Variants in NTM observed in about 807,000 individuals in gnomAD.
The protein encoded by NTM is neurotrimin, also known as IgLON family member 2.
A neutral mutation model predicts 42.1 loss-of-function variants in NTM; 13 were observed. That is an observed-to-expected ratio of 0.31 (90% CI 0.20 to 0.49). NTM has a LOEUF of 0.49. Among genes scored for constraint, NTM ranks in the 20% least tolerant of loss-of-function variants. The probability of loss-of-function intolerance (pLI) is 0.99; values close to 1 mark genes in which losing one functional copy is unlikely to be tolerated. For missense variants in NTM, 373 were observed against 452.8 expected, an observed-to-expected ratio of 0.82 and a Z score of 1.60; for synonymous variants, 187 against 179.2, an observed-to-expected ratio of 1.04 and a Z score of -0.35.
intron 1 of NTM, among the ~76,000 whole-genome samples, chr11:131,673,953 A>G (rs2134683552): frequency 6.6e-6 from 1 of 152,352 alleles, no homozygotes; most frequent in South Asian, 2.1e-4. Context: ...GAAAGAGGGT[A>G]GGGAGATGAT....
chr11:131,639,763 C>G (rs1393853930), intron 1 of NTM, among the ~76,000 whole-genome samples: 1 of 152,074 alleles, frequency 6.6e-6, no homozygotes, highest in East Asian at 1.9e-4. Context: ...CGAGACCAGC[C>G]TGGCCAACAT....
At chr11:132,070,718 G>A (rs1258275436) in intron 2 of NTM, among the ~76,000 whole-genome samples, 5 of 142,068 alleles carry the variant, frequency 3.5e-5, no homozygotes, top group Non-Finnish European at 6.2e-5. Flanking sequence ...TAGTTAACAC[G>A]TCACACAGCC....
chr11:131,920,048 A>G lies in NTM; in HGVS notation c.167+8400A>G, dbSNP rs146500622. Reference sequence around the variant, plus strand: ...GTTTTTCGTAAAAAGATTGTTGCATAGCAGGTTGTGACAGTTCATGGCTCT... The same window carrying G: ...GTTTTTCGTAAAAAGATTGTTGCATGGCAGGTTGTGACAGTTCATGGCTCT... On this transcript the variant is annotated intron_variant, in intron 2 of 8. Transcript: ENST00000683400. Among the ~76,000 whole-genome samples the G allele has an allele frequency of 3.5e-3, 532 of 152,356 alleles. 2 individuals are homozygous for G. Among genetic ancestry groups the G allele is most frequent in the Non-Finnish European group, 5.1e-3 (347 of 68,038 alleles).
intron 1 of NTM, among the ~76,000 whole-genome samples, chr11:131,873,585 ACC>A (rs2048058522): frequency 2.3e-5 from 1 of 43,480 alleles, no homozygotes; most frequent in Non-Finnish European, 6.0e-5. Context: ...ATATATATAT[ACC>A]GTATATATAT....
intron 1 of NTM, among the ~76,000 whole-genome samples, chr11:131,688,745 T>G (rs1217686546): frequency 4.6e-5 from 7 of 152,228 alleles, no homozygotes; most frequent in Non-Finnish European, 8.8e-5. Flanking sequence ...AGACACCAGC[T>G]GCTCCTAGAG....
rs539983776 is a variant in NTM at position 131,383,528 on chromosome 11, C to T, written c.82+12640C>T. On this transcript the variant is annotated intron_variant, in intron 1 of 8. Transcript: ENST00000683400. Reference sequence around the variant, plus strand: ...AAGTGGAAGAAATTGCATATGCTAACGTCTACAGGGAAGAGAGCATGGTAG... The same window carrying T: ...AAGTGGAAGAAATTGCATATGCTAATGTCTACAGGGAAGAGAGCATGGTAG... Among the ~76,000 whole-genome samples the T allele has an allele frequency of 5.3e-5, 8 of 152,142 alleles. No individual in the cohort carries two copies. The East Asian group carries it at 5.8e-4, about 11-fold the overall frequency.
At chr11:131,735,627 T>C (rs548378411) in intron 1 of NTM, among the ~76,000 whole-genome samples, 1 of 152,214 alleles carries the variant, frequency 6.6e-6, no homozygotes, top group Non-Finnish European at 1.5e-5. Context: ...AATACATCAC[T>C]GAGTTCTACC....
At chr11:132,148,176 G>C (rs191304726) in intron 3 of NTM, among the ~76,000 whole-genome samples, 129 of 152,342 alleles carry the variant, frequency 8.5e-4, no homozygotes, top group Non-Finnish European at 1.7e-3. Flanking sequence ...TTTTTGAACT[G>C]ATGCATGCAA....
intron 2 of NTM, among the ~76,000 whole-genome samples, chr11:132,041,499 A>T (rs972965174): frequency 2.0e-5 from 3 of 152,178 alleles, no homozygotes; most frequent in African/African-American, 7.2e-5. Flanking sequence ...AGTCAGTCAT[A>T]CATTTTATTT....
rs1343491680 is a variant in NTM, at chr11:132,002,129, C to T, written c.167+90481C>T. Among the ~76,000 whole-genome samples the T allele has an allele frequency of 6.6e-6, 1 of 152,170 alleles. No homozygotes were observed. The highest frequency in any genetic ancestry group is 1.5e-5 in the Non-Finnish European group (1 of 68,042). Reference sequence around the variant, plus strand: ...CAACCGGGGCTGGAAATTATGCTGCCTGAAGAGGGTGGAGGCTCTTCAAAT... The same window carrying T: ...CAACCGGGGCTGGAAATTATGCTGCTTGAAGAGGGTGGAGGCTCTTCAAAT... On this transcript the variant is annotated intron_variant, in intron 2 of 8. Coordinates refer to ENST00000683400, the MANE Select transcript of NTM (RefSeq NM_001352005.2). This position sits in a 1 kb window ranked among gnomAD's most constrained non-coding sequence, Gnocchi z 4.5.
At chr11:132,137,957 G>A (rs886710840) in intron 2 of NTM, among the ~76,000 whole-genome samples, 2 of 152,148 alleles carry the variant, frequency 1.3e-5, no homozygotes, top group African/African-American at 4.8e-5. Context: ...TTCTACCCAT[G>A]CCTTCTATTC....
At chr11:131,861,432 C>A (rs2046627908) in intron 1 of NTM, among the ~76,000 whole-genome samples, 1 of 152,162 alleles carries the variant, frequency 6.6e-6, no homozygotes, top group Admixed American at 6.5e-5. Context: ...TGCCGTAAAT[C>A]TCTTTCCTTC....
chr11:132,084,410 C>A (rs1324600261), intron 2 of NTM, among the ~76,000 whole-genome samples: 1 of 152,106 alleles, frequency 6.6e-6, no homozygotes, highest in East Asian at 1.9e-4. Flanking sequence ...AAAATATAAC[C>A]TGAAGAAGAT....
intron 1 of NTM, among the ~76,000 whole-genome samples, chr11:131,411,675 C>T (rs978554407): frequency 1.3e-5 from 2 of 151,144 alleles, no homozygotes; most frequent in South Asian, 2.1e-4. Flanking sequence ...AGGTGATATT[C>T]TTCTCCCAAA....
chr11:131,831,525 A>C (rs751600801), intron 1 of NTM, among the ~76,000 whole-genome samples: 3 of 152,138 alleles, frequency 2.0e-5, no homozygotes, highest in Non-Finnish European at 2.9e-5. Flanking sequence ...TCCCAGCCTG[A>C]GTCTGGTGAC....
intron 1 of NTM, among the ~76,000 whole-genome samples, chr11:131,493,545 A>G (rs1955019807): frequency 6.6e-6 from 1 of 152,198 alleles, no homozygotes; most frequent in South Asian, 2.1e-4. Flanking sequence ...TGAATGGACA[A>G]CAACCACAAC....
At chr11:131,586,923 A>G (rs1387724606) in intron 1 of NTM, among the ~76,000 whole-genome samples, 1 of 152,164 alleles carries the variant, frequency 6.6e-6, no homozygotes, top group African/African-American at 2.4e-5. Context: ...AGCTATTGAA[A>G]GAGGTATCAG....
At chr11:131,916,410 C>T (rs1460623032) in intron 2 of NTM, among the ~76,000 whole-genome samples, 1 of 152,194 alleles carries the variant, frequency 6.6e-6, no homozygotes, top group African/African-American at 2.4e-5. Context: ...AGAGGCTGAA[C>T]GCTGCATTCC....
intron 6 of NTM, among the ~76,000 whole-genome samples, chr11:132,311,063 T>C (rs1046755798): frequency 1.3e-5 from 2 of 150,698 alleles, no homozygotes; most frequent in African/African-American, 2.4e-5. Flanking sequence ...GAGCAAGGAG[T>C]GGGGGAGGCC....
Sources: allele counts gnomAD v4.1 joint callset (sites outside exome capture counted in the v4.1 genomes callset), GRCh38; gene constraint gnomAD v4.1.1; non-coding constraint Gnocchi (gnomAD v3.1); transcripts MANE v1.5; gene names NCBI Gene and HGNC (gene_info 2026-07-23, HGNC 2026-07-21).